DAB1: variants seen among roughly 807,000 people sequenced by gnomAD.
DAB1 encodes disabled homolog 1.
DAB1 carries 15 observed loss-of-function variants against 64.6 expected under a neutral mutation model. The ratio of observed to expected loss-of-function variants is 0.23; its 90% CI spans 0.16 to 0.36. The LOEUF (loss-of-function observed/expected upper bound fraction) is 0.36. Ranked by LOEUF, DAB1 falls within the 10% of genes least tolerant of loss-of-function variation. The probability of loss-of-function intolerance (pLI) is 1.00; values close to 1 mark genes in which losing one functional copy is unlikely to be tolerated. For missense variants in DAB1, 596 were observed against 706.7 expected (o/e 0.84, Z 1.78); for synonymous variants, 235 against 251.9 (o/e 0.93, Z 0.64).
intron 7 of DAB1, among the ~76,000 whole-genome samples, chr1:57,559,267 C>T (rs751633178): frequency 2.0e-5 from 3 of 152,154 alleles, no homozygotes; most frequent in Non-Finnish European, 4.4e-5. Context: ...ACTTCTATTT[C>T]GAATGGATCA....
At chr1:57,115,224 A>G (rs373355105) in intron 4 of DAB1, among the ~76,000 whole-genome samples, 1 of 152,302 alleles carries the variant, frequency 6.6e-6, no homozygotes, top group South Asian at 2.1e-4. Context: ...TGCAGGGCCT[A>G]ATCCCAGCTC....
intron 6 of DAB1, among the ~76,000 whole-genome samples, chr1:57,760,735 C>A (rs1357256533): frequency 1.3e-5 from 2 of 151,964 alleles, no homozygotes; most frequent in Non-Finnish European, 2.9e-5. Flanking sequence ...CAGATTGGAT[C>A]CAGGTCTGCT....
At chr1:57,714,230 T>A (rs904966437) in intron 6 of DAB1, among the ~76,000 whole-genome samples, 1 of 152,174 alleles carries the variant, frequency 6.6e-6, no homozygotes, top group Non-Finnish European at 1.5e-5. Context: ...TATAATTATT[T>A]TTACCCATTT....
intron 4 of DAB1, among the ~76,000 whole-genome samples, chr1:58,180,276 CTTTTCTTTTTTTT>C (rs1656709098): frequency 5.6e-5 from 3 of 53,144 alleles, no homozygotes; most frequent in South Asian, 1.1e-3. Flanking sequence ...TCTTTTTTTT[CTTTTCTTTTTTTT>C]TTTTTTTTTT....
At chr1:58,492,697 T>G (rs1424681268) in intron 3 of DAB1, among the ~76,000 whole-genome samples, 1 of 151,970 alleles carries the variant, frequency 6.6e-6, no homozygotes, top group Non-Finnish European at 1.5e-5. Flanking sequence ...ACACATACAG[T>G]CTCCCAAGAC....
At chr1:57,003,910 C>T (rs902862353) in intron 14 of DAB1, among the ~76,000 whole-genome samples, 1 of 152,186 alleles carries the variant, frequency 6.6e-6, no homozygotes, top group East Asian at 1.9e-4. Context: ...CCTTCTCAGT[C>T]AACTCCCTAT....
chr1:57,994,451 G>A (rs115478840), intron 5 of DAB1, among the ~76,000 whole-genome samples: 6 of 152,150 alleles, frequency 3.9e-5, no homozygotes, highest in South Asian at 4.1e-4. Flanking sequence ...AGCTGAAGCC[G>A]TTGTGTTTGT....
At chr1:57,663,103 T>C (rs1019109336) in intron 6 of DAB1, among the ~76,000 whole-genome samples, 1 of 152,036 alleles carries the variant, frequency 6.6e-6, no homozygotes, top group African/African-American at 2.4e-5. Flanking sequence ...ACAGGAAGCA[T>C]GGTTAGGGAA....
chr1:57,146,838 C>T (rs1257273871), intron 2 of DAB1, among the ~76,000 whole-genome samples: 1 of 152,156 alleles, frequency 6.6e-6, no homozygotes. Context: ...TAGAATCAGA[C>T]ATCCTTGTTT....
intron 3 of DAB1, among the ~76,000 whole-genome samples, chr1:58,436,184 C>T (rs1569781988): frequency 6.6e-6 from 1 of 152,088 alleles, no homozygotes; most frequent in Admixed American, 6.5e-5. Context: ...TAGAAGGAGG[C>T]TAGTAATATC....
intron 6 of DAB1, among the ~76,000 whole-genome samples, chr1:57,714,910 A>G (rs1349924717): frequency 6.6e-6 from 1 of 152,150 alleles, no homozygotes; most frequent in African/African-American, 2.4e-5. Context: ...GAACAGTTAA[A>G]GAACATTTGG....
intron 1 of DAB1, chr1:58,539,066 T>C (rs759534014): frequency 8.0e-6 from 7 of 872,848 alleles, no homozygotes; most frequent in Non-Finnish European, 1.2e-5. Flanking sequence ...CCTGTTCTTT[T>C]GTTGTTAAAA....
chr1:58,168,533 T>C (rs1655988404), intron 4 of DAB1, among the ~76,000 whole-genome samples: 1 of 152,098 alleles, frequency 6.6e-6, no homozygotes, highest in Admixed American at 6.5e-5. Flanking sequence ...CTATGATTTC[T>C]AGTATAAACT....
intron 2 of DAB1, among the ~76,000 whole-genome samples, chr1:57,167,020 G>T (rs1428492906): frequency 6.6e-6 from 1 of 152,148 alleles, no homozygotes; most frequent in Non-Finnish European, 1.5e-5. Flanking sequence ...TATTAAGTAT[G>T]TCTTTGTTCA....
At chr1:57,368,328 C>A (rs915360720) in intron 1 of DAB1, among the ~76,000 whole-genome samples, 12 of 152,188 alleles carry the variant, frequency 7.9e-5, no homozygotes, top group Admixed American at 7.9e-4. Context: ...GGTGAGGCCC[C>A]ACCTTCAGGC....
chr1:58,384,090 T>C (rs1644413125), intron 3 of DAB1, among the ~76,000 whole-genome samples: 2 of 152,126 alleles, frequency 1.3e-5, no homozygotes, highest in Admixed American at 1.3e-4. Context: ...TTGAAACTGA[T>C]GTGGAATAAT....
chr1:57,313,971 T>C (rs1241764275), intron 1 of DAB1, among the ~76,000 whole-genome samples: 1 of 152,206 alleles, frequency 6.6e-6, no homozygotes, highest in Admixed American at 6.5e-5. Flanking sequence ...TGCTGGAGCC[T>C]TGATCTTGGA....
At chr1:58,342,583 ATGGAT>A (rs776948934) in intron 4 of DAB1, among the ~76,000 whole-genome samples, 32 of 152,288 alleles carry the variant, frequency 2.1e-4, no homozygotes, top group Non-Finnish European at 4.6e-4. Flanking sequence ...ACATTTCCAC[ATGGAT>A]GTCACGCTGA....
At chr1:57,742,809 C>G (rs1648064578) in intron 6 of DAB1, among the ~76,000 whole-genome samples, 1 of 152,058 alleles carries the variant, frequency 6.6e-6, no homozygotes, top group East Asian at 1.9e-4. Context: ...GATTTAGAAG[C>G]CAGGGCAACC....
Sources: allele counts gnomAD v4.1 joint callset (sites outside exome capture counted in the v4.1 genomes callset), GRCh38; gene constraint gnomAD v4.1.1; transcripts MANE v1.5; gene names NCBI Gene and HGNC (gene_info 2026-07-23, HGNC 2026-07-21).